The following ROBO2 variants were observed in gnomAD, a reference collection of about 807,000 sequenced individuals.
ROBO2 encodes the protein roundabout guidance receptor 2.
ROBO2 carries 53 observed loss-of-function variants against 160.8 expected under a neutral mutation model. The ratio of observed to expected loss-of-function variants is 0.33; its 90% confidence interval spans 0.26 to 0.41. The LOEUF (loss-of-function observed/expected upper bound fraction) is 0.41, where lower values mean the gene tolerates loss of function less well. Ranked by LOEUF, ROBO2 falls within the 10% of genes least tolerant of loss-of-function variation. The probability of loss-of-function intolerance (pLI) is 1.00; values close to 1 mark genes in which losing one functional copy is unlikely to be tolerated. For missense variants in ROBO2, 1,577 were observed against 1,722.4 expected (o/e 0.92, Z 1.49); for synonymous variants, 664 against 611.7 (o/e 1.09, Z -1.26).
At chr3:77,478,606 T>C (rs927986345) in intron 3 of ROBO2, among the ~76,000 whole-genome samples, 19 of 152,232 alleles carry the variant, frequency 1.2e-4, no homozygotes, top group Admixed American at 2.6e-4. Context: ...ATTGCTTAAC[T>C]TTCTGATATT....
intron 1 of ROBO2, among the ~76,000 whole-genome samples, chr3:77,071,780 A>G (rs2067443603): frequency 6.6e-6 from 1 of 152,200 alleles, no homozygotes; most frequent in South Asian, 2.1e-4. Context: ...ATTGCGCATA[A>G]TCAAGTTTCC....
intron 2 of ROBO2, among the ~76,000 whole-genome samples, chr3:77,194,935 T>A (rs1235480607): frequency 6.6e-6 from 1 of 152,154 alleles, no homozygotes; most frequent in Non-Finnish European, 1.5e-5. Context: ...TGTTGGAAAT[T>A]AAATATTACA....
chr3:76,121,446 G>A (rs1158452348), intron 2 of ROBO2, among the ~76,000 whole-genome samples: 3 of 152,014 alleles, frequency 2.0e-5, no homozygotes, highest in East Asian at 1.9e-4. Flanking sequence ...CCTAAAATTG[G>A]TACAGGAATG....
intron 2 of ROBO2, among the ~76,000 whole-genome samples, chr3:76,566,510 C>T (rs1446950995): frequency 2.6e-5 from 4 of 152,124 alleles, no homozygotes; most frequent in African/African-American, 9.7e-5. Context: ...TCTCAAGTCA[C>T]CCTAATCAGA....
intron 2 of ROBO2, among the ~76,000 whole-genome samples, chr3:76,800,778 T>A (rs2064137447): frequency 6.6e-6 from 1 of 152,154 alleles, no homozygotes; most frequent in Non-Finnish European, 1.5e-5. Context: ...TTGTCAGGCA[T>A]GTAAATTAGT....
chr3:76,141,717 G>T (rs2071677396), intron 2 of ROBO2, among the ~76,000 whole-genome samples: 1 of 152,054 alleles, frequency 6.6e-6, no homozygotes, highest in South Asian at 2.1e-4. Flanking sequence ...ATAAGTATTT[G>T]AAGATTGGTT....
chr3:76,703,055 A>T (rs180709720), intron 2 of ROBO2, among the ~76,000 whole-genome samples: 2 of 152,132 alleles, frequency 1.3e-5, no homozygotes, highest in Admixed American at 6.6e-5. Flanking sequence ...CTGCCCTCCA[A>T]ATAATATATC....
intron 2 of ROBO2, among the ~76,000 whole-genome samples, chr3:76,948,952 T>G (rs1339591842): frequency 1.5e-5 from 2 of 137,288 alleles, no homozygotes; most frequent in African/African-American, 2.8e-5. Context: ...GGTTTCACCA[T>G]GTTGGCCAAG....
chr3:77,056,878 A>G (rs1013808079), intron 1 of ROBO2, among the ~76,000 whole-genome samples: 14 of 152,332 alleles, frequency 9.2e-5, no homozygotes, highest in African/African-American at 2.4e-4. Flanking sequence ...ACATATGTCT[A>G]TGCACACGTA....
At position 76,085,042 on chromosome 3, in the gene ROBO2, G is replaced by A. The variant is rs2068960075; in HGVS notation, c.109+147440G>A. On this transcript the variant is annotated intron_variant, in intron 2 of 26. Transcript: ENST00000487694. ...GTGCTTGGAAATGCTGACTATTCTT[G>A]TGCTTAAAGCTTATCCATGATCTGC... Among the ~76,000 whole-genome samples the A allele has an allele frequency of 1.3e-5, 2 of 151,692 alleles. 1 individual carries two copies. Among genetic ancestry groups the A allele is most frequent in the Admixed American group, 1.3e-4 (2 of 15,204 alleles).
chr3:77,154,761 A>T (rs2077845428), intron 2 of ROBO2, among the ~76,000 whole-genome samples: 2 of 152,090 alleles, frequency 1.3e-5, no homozygotes, highest in Admixed American at 6.6e-5. Context: ...GGATCATGGC[A>T]GGAACAGAAA....
chr3:76,743,854 AAG>A (rs2093842376), intron 2 of ROBO2, among the ~76,000 whole-genome samples: 1 of 152,100 alleles, frequency 6.6e-6, no homozygotes, highest in Non-Finnish European at 1.5e-5. Flanking sequence ...TGAGAAGGGA[AAG>A]AAAGATAGAA....
At chr3:76,229,006 G>A (rs1482901062) in intron 2 of ROBO2, among the ~76,000 whole-genome samples, 3 of 152,084 alleles carry the variant, frequency 2.0e-5, no homozygotes, top group Admixed American at 6.6e-5. Context: ...GCAAAAGACC[G>A]AGATCCTCTC....
chr3:77,585,636 C>A (rs1186803374), intron 16 of ROBO2, among the ~76,000 whole-genome samples: 1 of 151,982 alleles, frequency 6.6e-6, no homozygotes, highest in African/African-American at 2.4e-5. Context: ...CACACACACA[C>A]AAATCACAAT....
At chr3:76,196,624 C>T (rs1192848704) in intron 2 of ROBO2, among the ~76,000 whole-genome samples, 1 of 152,078 alleles carries the variant, frequency 6.6e-6, no homozygotes, top group Non-Finnish European at 1.5e-5. Context: ...CGCTTAATGT[C>T]TTATTCCTGT....
Position 77,477,395 on chromosome 3 carries a change from T to A in ROBO2, c.389-19T>A. The A allele has an allele frequency of 6.2e-7, 1 of 1,610,516 alleles. No individual in the cohort carries two copies. Among genetic ancestry groups the A allele is most frequent in the Non-Finnish European group, 8.5e-7 (1 of 1,177,620 alleles). On this transcript the variant is annotated intron_variant, in intron 2 of 25. Coordinates refer to ENST00000461745, the Ensembl canonical transcript of ROBO2. ...TTACTGTCGTTGAGTTTTCTTTTCCTGTAATTATTTTTCCTCAGTGTTACG... is the reference window on the plus strand; with the variant it reads ...TTACTGTCGTTGAGTTTTCTTTTCCAGTAATTATTTTTCCTCAGTGTTACG...
At chr3:76,232,736 A>G (rs1181151317) in intron 2 of ROBO2, among the ~76,000 whole-genome samples, 3 of 152,202 alleles carry the variant, frequency 2.0e-5, no homozygotes, top group African/African-American at 7.2e-5. Flanking sequence ...GATTACAGCC[A>G]GGCATTTTTT....
At chr3:77,422,234 C>G (rs375865830) in intron 2 of ROBO2, among the ~76,000 whole-genome samples, 8 of 152,118 alleles carry the variant, frequency 5.3e-5, no homozygotes, top group African/African-American at 1.7e-4. Context: ...TAGAATAAGA[C>G]AGGGGATTAG....
At chr3:77,174,679 A>G (rs1234461333) in intron 2 of ROBO2, among the ~76,000 whole-genome samples, 1 of 152,020 alleles carries the variant, frequency 6.6e-6, no homozygotes, top group Admixed American at 6.6e-5. Flanking sequence ...TAACAAACCT[A>G]TCTGCTTATG....
Sources: gnomAD v4.1 joint callset for allele counts (sites outside exome capture counted in the v4.1 genomes callset) on GRCh38, gnomAD v4.1.1 for gene constraint, MANE v1.5 for transcripts, NCBI Gene and HGNC (gene_info 2026-07-23, HGNC 2026-07-21) for gene names.